Variants in RAD51B observed in about 807,000 individuals in gnomAD.
RAD51B encodes the protein RAD51 paralog B, also known as DNA repair protein RAD51 homolog 2.
RAD51B carries 38 observed loss-of-function variants against 42.2 expected under a neutral mutation model. The observed-to-expected ratio is 0.90, with a 90% CI of 0.70 to 1.18. The LOEUF (loss-of-function observed/expected upper bound fraction) is 1.18, where lower values mean the gene tolerates loss of function less well. Ranked by LOEUF, RAD51B falls within the 50% of genes most tolerant of loss-of-function variation. The pLI is 0.00. For missense variants in RAD51B, 373 were observed against 400.7 expected, an observed-to-expected ratio of 0.93 and a Z score of 0.59; for synonymous variants, 154 against 145.2, an observed-to-expected ratio of 1.06 and a Z score of -0.43.
chr14:68,262,564 C>A (rs971020484), intron 7 of RAD51B, among the ~76,000 whole-genome samples: 14 of 152,170 alleles, frequency 9.2e-5, no homozygotes, highest in African/African-American at 3.1e-4. Flanking sequence ...CCCCCTGACC[C>A]AGTTTGTTTA....
intron 7 of RAD51B, chr14:68,149,717 T>C (rs1428882687): frequency 6.6e-6 from 1 of 152,240 alleles, no homozygotes; most frequent in Non-Finnish European, 1.5e-5. Flanking sequence ...AGTGCTCCAG[T>C]TCCAATCTAG....
At chr14:68,441,306 G>A (rs1594843078) in intron 9 of RAD51B, among the ~76,000 whole-genome samples, 1 of 147,654 alleles carries the variant, frequency 6.8e-6, no homozygotes, top group Non-Finnish European at 1.5e-5. Flanking sequence ...ACTTTGGGAG[G>A]CCGAGGTGGG....
intron 7 of RAD51B, among the ~76,000 whole-genome samples, chr14:68,007,331 C>T (rs1345858621): frequency 1.3e-5 from 2 of 151,944 alleles, no homozygotes; most frequent in African/African-American, 4.8e-5. Context: ...ATACTTGTAT[C>T]TACGTTTTGT....
At chr14:68,340,841 G>A (rs1463876394) in intron 8 of RAD51B, among the ~76,000 whole-genome samples, 1 of 152,202 alleles carries the variant, frequency 6.6e-6, no homozygotes, top group Non-Finnish European at 1.5e-5. Context: ...ATCTGGTTAG[G>A]GAAGTAAAAT....
At chr14:68,573,999 TG>T (rs1889842954) in intron 10 of RAD51B, among the ~76,000 whole-genome samples, 1 of 151,974 alleles carries the variant, frequency 6.6e-6, no homozygotes, top group Admixed American at 6.6e-5. Flanking sequence ...TGTGTGTGTG[TG>T]TGTGTGCTCA....
chr14:68,382,448 A>C (rs911719488), intron 8 of RAD51B, among the ~76,000 whole-genome samples: 4 of 152,216 alleles, frequency 2.6e-5, no homozygotes, highest in African/African-American at 9.6e-5. Context: ...TCTAATTCTT[A>C]AAAGTTAGGG....
At chr14:68,663,127 T>C (rs775600809) in intron 11 of RAD51B, among the ~76,000 whole-genome samples, 25 of 152,008 alleles carry the variant, frequency 1.6e-4, no homozygotes, top group Non-Finnish European at 2.6e-4. Context: ...ATGGTGAAAT[T>C]CTATCTCTAC....
At chr14:68,429,130 A>C (rs2084934483) in intron 9 of RAD51B, among the ~76,000 whole-genome samples, 1 of 152,156 alleles carries the variant, frequency 6.6e-6, no homozygotes, top group Non-Finnish European at 1.5e-5. Flanking sequence ...TATATGTGCC[A>C]CATTTTCTTA....
chr14:67,896,723 T>G (rs2043432096), intron 7 of RAD51B, among the ~76,000 whole-genome samples: 1 of 152,248 alleles, frequency 6.6e-6, no homozygotes, highest in Non-Finnish European at 1.5e-5. Flanking sequence ...AGACAAAATT[T>G]GTTTTTTTGG....
intron 8 of RAD51B, among the ~76,000 whole-genome samples, chr14:68,386,785 G>A (rs1286378622): frequency 1.3e-5 from 2 of 152,178 alleles, no homozygotes; most frequent in African/African-American, 4.8e-5. Flanking sequence ...GAGGGAAGGT[G>A]ATTGTTTCTA....
intron 10 of RAD51B, among the ~76,000 whole-genome samples, chr14:68,490,292 A>C (rs891887107): frequency 2.0e-5 from 3 of 152,216 alleles, no homozygotes; most frequent in African/African-American, 4.8e-5. Flanking sequence ...TATGTCATTG[A>C]AAATTAAAAA....
intron 8 of RAD51B, among the ~76,000 whole-genome samples, chr14:68,312,854 G>C (rs1231840607): frequency 6.6e-6 from 1 of 152,180 alleles, no homozygotes. Flanking sequence ...TAGCAAAGTA[G>C]CCTGGTTATG....
intron 7 of RAD51B, among the ~76,000 whole-genome samples, chr14:67,956,678 C>T (rs1566977512): frequency 6.6e-6 from 1 of 152,114 alleles, no homozygotes; most frequent in Non-Finnish European, 1.5e-5. Context: ...ACAATATAAT[C>T]AAACCAAGTC....
At chr14:68,063,286 A>C (rs1434648577) in intron 7 of RAD51B, among the ~76,000 whole-genome samples, 1 of 152,090 alleles carries the variant, frequency 6.6e-6, no homozygotes, top group African/African-American at 2.4e-5. Context: ...ATTCTTGGCC[A>C]AATCTCATGT....
At chr14:68,340,313 G>GATTTACATCTGTAGAGAAA (rs1336886525) in intron 8 of RAD51B, among the ~76,000 whole-genome samples, 2 of 152,202 alleles carry the variant, frequency 1.3e-5, no homozygotes, top group East Asian at 3.8e-4. Context: ...TTGTGGGGGA[G>GATTTACATCTGTAGAGAAA]ATTTACATCT....
chr14:68,391,273 T>G (rs543554194), intron 8 of RAD51B, among the ~76,000 whole-genome samples: 1 of 152,152 alleles, frequency 6.6e-6, no homozygotes, highest in South Asian at 2.1e-4. Context: ...TTCAGTTTCA[T>G]TTGTGTTGTC....
intron 10 of RAD51B, among the ~76,000 whole-genome samples, chr14:68,602,699 G>A (rs36035347): frequency 0.17 from 25,588 of 152,074 alleles, 2,737 homozygotes; most frequent in Non-Finnish European, 0.24. Context: ...CCCACGTTGC[G>A]GAAGGTAATT....
intron 8 of RAD51B, among the ~76,000 whole-genome samples, chr14:68,342,912 G>C (rs1364485420): frequency 6.6e-6 from 1 of 151,690 alleles, no homozygotes; most frequent in Admixed American, 6.6e-5. Flanking sequence ...AATCCACTCA[G>C]GCAACAAATC....
chr14:68,451,869 G>A (rs2085564613), intron 9 of RAD51B, among the ~76,000 whole-genome samples: 1 of 152,182 alleles, frequency 6.6e-6, no homozygotes, highest in South Asian at 2.1e-4. Flanking sequence ...TCCTTGAATG[G>A]GTTCCTGTGA....
Sources: gnomAD v4.1 joint callset for allele counts (sites outside exome capture counted in the v4.1 genomes callset) on GRCh38, gnomAD v4.1.1 for gene constraint, MANE v1.5 for transcripts, NCBI Gene and HGNC (gene_info 2026-07-23, HGNC 2026-07-21) for gene names.